LRRTM4: variants seen among roughly 807,000 people sequenced by gnomAD.
LRRTM4 encodes leucine-rich repeat transmembrane neuronal protein 4.
In LRRTM4, 25 loss-of-function variants were observed where a neutral mutation model predicts 47.6. That is an observed-to-expected ratio of 0.53 (90% CI 0.38 to 0.73). The LOEUF is 0.73. Ranked by LOEUF, LRRTM4 falls within the 30% of genes least tolerant of loss-of-function variation. LRRTM4 has a pLI of 0.00. For missense variants in LRRTM4, 638 were observed against 713.4 expected, an observed-to-expected ratio of 0.89 and a Z score of 1.20; for synonymous variants, 311 against 269.5, an observed-to-expected ratio of 1.15 and a Z score of -1.51.
intron 3 of LRRTM4, among the ~76,000 whole-genome samples, chr2:76,816,737 C>T (rs1320092750): frequency 6.6e-6 from 1 of 150,542 alleles, no homozygotes; most frequent in African/African-American, 2.4e-5. Context: ...GCTCCTCGAG[C>T]CTACCTTGTT....
chr2:77,049,856 A>C (rs1034555157), intron 3 of LRRTM4, among the ~76,000 whole-genome samples: 6 of 151,958 alleles, frequency 3.9e-5, no homozygotes, highest in Non-Finnish European at 7.4e-5. Flanking sequence ...TTGTTCATGA[A>C]ATCTTTGCCC....
intron 3 of LRRTM4, among the ~76,000 whole-genome samples, chr2:77,295,614 T>C (rs534925108): frequency 1.3e-5 from 2 of 152,280 alleles, no homozygotes; most frequent in African/African-American, 2.4e-5. Context: ...TCTGGAGGTT[T>C]AGCAGTCCAA....
intron 3 of LRRTM4, among the ~76,000 whole-genome samples, chr2:77,157,498 T>G (rs1440615850): frequency 2.0e-5 from 3 of 152,184 alleles, no homozygotes; most frequent in Admixed American, 6.5e-5. Context: ...TTAATATTTC[T>G]ATTTCATTAT....
chr2:76,872,235 A>G (rs1220789251), intron 3 of LRRTM4, among the ~76,000 whole-genome samples: 1 of 152,208 alleles, frequency 6.6e-6, no homozygotes, highest in Non-Finnish European at 1.5e-5. Context: ...TCACATCTTA[A>G]GGATACGTTA....
At chr2:77,331,913 T>C (rs1670984820) in intron 3 of LRRTM4, among the ~76,000 whole-genome samples, 1 of 152,172 alleles carries the variant, frequency 6.6e-6, no homozygotes, top group East Asian at 1.9e-4. Flanking sequence ...TTACACAATT[T>C]AATTATTTTT....
intron 3 of LRRTM4, among the ~76,000 whole-genome samples, chr2:77,490,703 C>G (rs751421411): frequency 2.0e-5 from 3 of 152,062 alleles, no homozygotes; most frequent in African/African-American, 7.2e-5. Flanking sequence ...CTTTGAACTG[C>G]GTCTGAAAGC....
chr2:77,090,439 A>T (rs1371253809), intron 3 of LRRTM4, among the ~76,000 whole-genome samples: 1 of 152,170 alleles, frequency 6.6e-6, no homozygotes, highest in Non-Finnish European at 1.5e-5. Flanking sequence ...GACATTAAAT[A>T]AAACTCCAAA....
At chr2:76,861,068 G>T (rs1458653859) in intron 3 of LRRTM4, among the ~76,000 whole-genome samples, 1 of 152,024 alleles carries the variant, frequency 6.6e-6, no homozygotes, top group Admixed American at 6.6e-5. Context: ...AAAATAGGAA[G>T]ATCTTACTTA....
chr2:76,967,446 A>G (rs1376893971), intron 3 of LRRTM4, among the ~76,000 whole-genome samples: 1 of 151,508 alleles, frequency 6.6e-6, no homozygotes, highest in African/African-American at 2.4e-5. Context: ...TTCCAACATA[A>G]GGTCACTCAG....
intron 3 of LRRTM4, among the ~76,000 whole-genome samples, chr2:77,293,188 A>G (rs1380040610): frequency 6.6e-6 from 1 of 152,114 alleles, no homozygotes; most frequent in African/African-American, 2.4e-5. Context: ...GAAACTAAGG[A>G]CTTTTCACAA....
chr2:77,288,960 C>T (rs1676743099), intron 3 of LRRTM4, among the ~76,000 whole-genome samples: 1 of 152,048 alleles, frequency 6.6e-6, no homozygotes, highest in African/African-American at 2.4e-5. Flanking sequence ...ATGCACCTCT[C>T]ACCTACATAG....
At chr2:77,172,849 C>T (rs1431513672) in intron 3 of LRRTM4, among the ~76,000 whole-genome samples, 1 of 152,134 alleles carries the variant, frequency 6.6e-6, no homozygotes, top group South Asian at 2.1e-4. Flanking sequence ...TTAGTAAAAA[C>T]CCCCAAATAT....
intron 3 of LRRTM4, among the ~76,000 whole-genome samples, chr2:77,012,590 T>G (rs968469414): frequency 2.0e-5 from 3 of 152,332 alleles, no homozygotes; most frequent in Admixed American, 2.0e-4. Flanking sequence ...TAATGTTACT[T>G]GTTAAAGTAA....
intron 3 of LRRTM4, among the ~76,000 whole-genome samples, chr2:77,412,081 C>T (rs976975188): frequency 6.6e-6 from 1 of 151,816 alleles, no homozygotes; most frequent in Admixed American, 6.6e-5. Context: ...GACCACTTGT[C>T]CCTGAATTCC....
chr2:76,885,964 G>A (rs944323588), intron 3 of LRRTM4, among the ~76,000 whole-genome samples: 1 of 151,892 alleles, frequency 6.6e-6, no homozygotes, highest in Non-Finnish European at 1.5e-5. Flanking sequence ...GACAAAAATA[G>A]CATACCTCCA....
At chr2:76,886,461 A>G (rs796351152) in intron 3 of LRRTM4, among the ~76,000 whole-genome samples, 22 of 152,256 alleles carry the variant, frequency 1.4e-4, no homozygotes, top group African/African-American at 4.1e-4. Context: ...CATTTCCATG[A>G]TTAGAACCTT....
At chr2:77,213,265 G>T (rs1020589302) in intron 3 of LRRTM4, among the ~76,000 whole-genome samples, 1 of 152,066 alleles carries the variant, frequency 6.6e-6, no homozygotes, top group Non-Finnish European at 1.5e-5. Context: ...GGGGAACATT[G>T]CCAAGTTGAC....
At chr2:77,440,003 T>G (rs1450337105) in intron 3 of LRRTM4, among the ~76,000 whole-genome samples, 2 of 152,248 alleles carry the variant, frequency 1.3e-5, no homozygotes, top group Non-Finnish European at 2.9e-5. Flanking sequence ...GATATCTATC[T>G]GTCTTATCAA....
chr2:76,857,761 C>T (rs139401852), intron 3 of LRRTM4, among the ~76,000 whole-genome samples: 24 of 152,188 alleles, frequency 1.6e-4, no homozygotes, highest in African/African-American at 5.1e-4. Flanking sequence ...TTTGTAAACA[C>T]GTTTTAACTG....
Sources: gnomAD v4.1 joint callset for allele counts (sites outside exome capture counted in the v4.1 genomes callset) on GRCh38, gnomAD v4.1.1 for gene constraint, MANE v1.5 for transcripts, NCBI Gene and HGNC (gene_info 2026-07-23, HGNC 2026-07-21) for gene names.